Variants in RUFY2 observed in about 807,000 individuals in gnomAD.
RUFY2 encodes the protein RUN and FYVE domain-containing protein 2.
RUFY2 carries 49 observed loss-of-function variants against 94.4 expected under a neutral mutation model. The ratio of observed to expected loss-of-function variants is 0.52; its 90% CI spans 0.41 to 0.66. The LOEUF (loss-of-function observed/expected upper bound fraction) is 0.66, where lower values mean the gene tolerates loss of function less well. Ranked by LOEUF, RUFY2 falls within the 30% of genes least tolerant of loss-of-function variation. The probability of loss-of-function intolerance (pLI) is 0.00; values close to 1 mark genes in which losing one functional copy is unlikely to be tolerated. For synonymous variants in RUFY2, 255 were observed against 235.7 expected (o/e 1.08, Z -0.75); for missense variants, 541 against 692.8 (o/e 0.78, Z 2.46).
At chr10:68,376,701 T>C (rs189269547) in intron 13 of RUFY2, 152 bp downstream of exon 13, 2 of 655,530 alleles carry the variant, frequency 3.1e-6, no homozygotes, top group South Asian at 2.0e-5. Flanking sequence ...ATTACAATTA[T>C]ATTTTCTAAA....
chr10:68,404,784 A>C lies in RUFY2; in HGVS notation c.65T>G (p.Ile22Ser). Residue 22 changes from isoleucine to serine, a missense_variant, in exon 2 of 18, where the codon ATC becomes AGC. By Grantham distance (142) the Ile-to-Ser change is moderately radical. Coordinates refer to ENST00000602465, the MANE Select transcript of RUFY2 (RefSeq NM_001330103.2). Reference protein sequence around the residue: ...ANLLNMAKLSIKGLIESALSF... With the variant: ...ANLLNMAKLSSKGLIESALSF... The stretch of plus-strand genomic sequence containing the variant: ...CAGAGCAGATTCAATGAGTCCTTTG[A>C]TACTCAGTTTAGCCATGTTTAACAA... 1 of 1,613,382 alleles carries C rather than the reference A, an allele frequency of 6.2e-7. No homozygotes were observed. Among genetic ancestry groups the C allele is most frequent in the Non-Finnish European group, 8.5e-7 (1 of 1,179,668 alleles).
intron 16 of RUFY2, among the ~76,000 whole-genome samples, chr10:68,352,004 C>A (rs1489249190): frequency 6.6e-6 from 1 of 150,826 alleles, no homozygotes; most frequent in African/African-American, 2.4e-5. Context: ...TTGCAGTGAG[C>A]CGAGATCATG....
chr10:68,361,932 G>C (rs1443896847), intron 15 of RUFY2, among the ~76,000 whole-genome samples: 3 of 152,150 alleles, frequency 2.0e-5, no homozygotes, highest in African/African-American at 7.2e-5. Context: ...AAACCTTTTT[G>C]TGCTATTTGA....
rs57690201 is a variant in RUFY2 at position 68,379,812 on chromosome 10, A to AT, written c.1108-292dup. Among the ~76,000 whole-genome samples, 1,330 of 142,408 alleles carry AT rather than the reference A, an allele frequency of 9.3e-3. 9 individuals are homozygous for AT. The highest frequency in any genetic ancestry group is 0.028 in the African/African-American group (1,095 of 38,784). 93.4% of individuals were successfully genotyped at this position (142,408 alleles called of 152,430 possible). On this transcript the variant is annotated intron_variant, in intron 11 of 17. Coordinates refer to ENST00000602465, the MANE Select transcript of RUFY2 (RefSeq NM_001330103.2). ...GTGATATAAAGCAGTGCTATTAGTC[A>AT]TTTTTTTTTTTTTTTGAGACAGTCT...
At chr10:68,341,410 T>C, downstream of RUFY2, 1 of 1,292,586 alleles carries the variant, frequency 7.7e-7, no homozygotes, top group South Asian at 1.3e-5. Context: ...TGTTGGGATT[T>C]AAAACCATTT....
rs569270507 is a variant in RUFY2 at position 68,386,184 on chromosome 10, G to A, written c.651-56C>T. 57 of 1,364,534 alleles carry A rather than the reference G, an allele frequency of 4.2e-5. 1 individual carries two copies. The South Asian group carries it at 4.4e-4, about 10-fold the overall frequency. 84.5% of individuals were successfully genotyped at this position (1,364,534 alleles called of 1,614,324 possible). The stretch of plus-strand genomic sequence containing the variant: ...AAATCACACGAACTCAAAAAGGCAC[G>A]AAAAAATATGTTATCCTAGATTTAC... On this transcript the variant is annotated intron_variant, in intron 7 of 17. Transcript: ENST00000602465.
intron 16 of RUFY2, among the ~76,000 whole-genome samples, chr10:68,349,699 C>T (rs927253849): frequency 4.6e-5 from 7 of 151,812 alleles, no homozygotes; most frequent in Admixed American, 3.9e-4. Context: ...CCACTGCACC[C>T]AGCTAATTTT....
chr10:68,348,522 GAA>G (rs11387992), intron 16 of RUFY2, among the ~76,000 whole-genome samples: 5 of 138,722 alleles, frequency 3.6e-5, no homozygotes, highest in Non-Finnish European at 6.3e-5. Context: ...TCTCTGAGGG[GAA>G]AAAAAAAAAA....
chr10:68,385,621 T>C (rs1351896492), intron 8 of RUFY2, among the ~76,000 whole-genome samples: 1 of 152,158 alleles, frequency 6.6e-6, no homozygotes. Flanking sequence ...TTTTGTATTA[T>C]ACTTTAAATT....
intron 11 of RUFY2, among the ~76,000 whole-genome samples, chr10:68,380,677 C>T (rs945368928): frequency 5.3e-5 from 8 of 152,180 alleles, no homozygotes; most frequent in African/African-American, 1.9e-4. Context: ...GCCTGGCCAA[C>T]ATTGTGAAAC....
chr10:68,380,146 A>T (rs1284246145), intron 11 of RUFY2, among the ~76,000 whole-genome samples: 1 of 145,640 alleles, frequency 6.9e-6, no homozygotes, highest in Non-Finnish European at 1.5e-5. Context: ...TGCTATGTTC[A>T]CCAGGCTGGT....
At chr10:68,391,989 C>A (rs945402327) in intron 7 of RUFY2, among the ~76,000 whole-genome samples, 4 of 151,140 alleles carry the variant, frequency 2.6e-5, no homozygotes, top group African/African-American at 4.8e-5. Context: ...AACAAACAAA[C>A]AAACAAAAAA....
rs747391250 is a variant in RUFY2 at position 68,401,721 on chromosome 10, C to G, written c.195G>C (p.Leu65Phe). 2 of 1,610,164 alleles carry G rather than the reference C, an allele frequency of 1.2e-6. No homozygotes were observed. The highest frequency in any genetic ancestry group is 1.7e-6 in the Non-Finnish European group (2 of 1,176,584). ...KHGLKVRKSF[L>F]SYNKTIWGPL... ...GGCCCCAGATGGTTTTGTTGTAACT[C>G]AAAAATGATTTTCTTACTGAAAAAA... is the stretch of plus-strand genomic sequence containing the variant. Residue 65 changes from leucine (L) to phenylalanine (F), a missense_variant, in exon 3 of 18, where the codon TTG becomes TTC. This residue lies in a region of RUFY2 where 85 missense variants were observed against 153.4 expected (regional missense o/e 0.55). Transcript: ENST00000602465.
At chr10:68,385,091 G>A (rs571306293) in intron 8 of RUFY2, among the ~76,000 whole-genome samples, 51 of 152,152 alleles carry the variant, frequency 3.4e-4, no homozygotes, top group African/African-American at 1.1e-3. Context: ...GTGAAACCCC[G>A]TCTCTACTAA....
chr10:68,388,883 A>G (rs1229138565), intron 7 of RUFY2, among the ~76,000 whole-genome samples: 3 of 151,860 alleles, frequency 2.0e-5, no homozygotes, highest in Non-Finnish European at 2.9e-5. Flanking sequence ...AAAAGCAATG[A>G]AACACTTTTA....
intron 7 of RUFY2, among the ~76,000 whole-genome samples, chr10:68,386,408 G>A (rs1455972392): frequency 6.6e-6 from 1 of 152,138 alleles, no homozygotes; most frequent in Non-Finnish European, 1.5e-5. Flanking sequence ...GGAGTGCAGT[G>A]GCACGATCTC....
At chr10:68,368,209 C>T (rs977925281) in intron 13 of RUFY2, among the ~76,000 whole-genome samples, 7 of 151,552 alleles carry the variant, frequency 4.6e-5, no homozygotes, top group East Asian at 2.0e-4. Flanking sequence ...CCTCATGATC[C>T]GCCTGCCTCA....
At chr10:68,401,767 T>C (rs745884935) in intron 2 of RUFY2, 30 bp from the exon 3 acceptor site, 1 of 1,274,672 alleles carries the variant, frequency 7.8e-7, no homozygotes. Flanking sequence ...ATGCACACAA[T>C]GTCAACATAA....
chr10:68,364,224 C>A, intron 13 of RUFY2, 111 bp from the exon 14 acceptor site: 1 of 967,116 alleles, frequency 1.0e-6, no homozygotes, highest in East Asian at 2.7e-5. Context: ...CTTTGTAATG[C>A]ATTTTTCAGA....
Sources: gnomAD v4.1 joint callset for allele counts (sites outside exome capture counted in the v4.1 genomes callset) on GRCh38, gnomAD v4.1.1 for gene constraint, gnomAD v4.1.1 regional missense constraint, MANE v1.5 for transcripts, NCBI Gene and HGNC (gene_info 2026-07-23, HGNC 2026-07-21) for gene names.